JAK1: variants seen among roughly 807,000 people sequenced by gnomAD.
JAK1 encodes the protein Janus kinase 1.
In JAK1, 16 loss-of-function variants were observed where a neutral mutation model predicts 136.6. The observed-to-expected ratio is 0.12, with a 90% CI of 0.08 to 0.18. The LOEUF is 0.18. Ranked by LOEUF, JAK1 falls within the 10% of genes least tolerant of loss-of-function variation. JAK1 has a pLI of 1.00. For missense variants in JAK1, 859 were observed against 1,450.1 expected, an observed-to-expected ratio of 0.59 and a Z score of 6.62; for synonymous variants, 492 against 519.5, an observed-to-expected ratio of 0.95 and a Z score of 0.72.
In JAK1 at chr1:64,850,833, C is replaced by G. The variant is rs779408869; in HGVS notation, c.1726G>C (p.Asp576His). ...PVYPMSQLSF[D>H]RILKKDLVQG... ...ACCAGATCCTTCTTGAGGATCCGAT[C>G]GAAACTCAGCTGGCTCATGGGGTAG... The change falls in exon 12 of 25, where the codon GAT becomes CAT. Residue 576 changes from aspartate (D) to histidine (H), a missense_variant. By Grantham distance (81) the Asp-to-His change is moderately conservative. Transcript: ENST00000342505. 6.2e-7 allele frequency: 1 copy of G among 1,614,080 alleles called. No homozygotes were observed. The highest frequency in any genetic ancestry group is 1.1e-5 in the South Asian group (1 of 91,076).
chr1:65,012,909 C>A (rs142334587), intron 2 of JAK1, among the ~76,000 whole-genome samples: 1 of 151,208 alleles, frequency 6.6e-6, no homozygotes, highest in African/African-American at 2.4e-5. Flanking sequence ...CTGGCTAACA[C>A]GGTGAAACCC....
chr1:64,936,964 G>C (rs961774374), intron 1 of JAK1, among the ~76,000 whole-genome samples: 14 of 150,466 alleles, frequency 9.3e-5, no homozygotes, highest in Non-Finnish European at 1.9e-4. Flanking sequence ...AGAATACAAA[G>C]CAGTGCATTT....
At chr1:64,949,504 G>C (rs1646044761) in intron 1 of JAK1, among the ~76,000 whole-genome samples, 1 of 152,200 alleles carries the variant, frequency 6.6e-6, no homozygotes, top group Non-Finnish European at 1.5e-5. Context: ...ACATTCAAGT[G>C]CACATTGTGC....
chr1:64,869,290 T>C lies in JAK1; in HGVS notation c.647+21A>G, dbSNP rs545032216. ...CACCACCATCCTCACAATCAATTCT[T>C]CAGCCAGTGGGAAGCTTTACCTGAT... On this transcript the variant is annotated intron_variant, in intron 6 of 24. Coordinates refer to ENST00000342505, the MANE Select transcript of JAK1 (RefSeq NM_002227.4). The C allele has an allele frequency of 6.8e-6, 11 of 1,608,068 alleles. No individual in the cohort carries two copies. In the East Asian group the frequency reaches 1.8e-4, roughly 26 times the overall value.
chr1:65,041,850 C>T (rs1417577094), intron 2 of JAK1, among the ~76,000 whole-genome samples: 3 of 152,102 alleles, frequency 2.0e-5, no homozygotes, highest in African/African-American at 7.2e-5. Context: ...ACCAGCCTGG[C>T]CAACATGGTA....
At chr1:65,009,663 CAT>C (rs1448091969) in intron 2 of JAK1, among the ~76,000 whole-genome samples, 1 of 152,184 alleles carries the variant, frequency 6.6e-6, no homozygotes, top group Non-Finnish European at 1.5e-5. Context: ...GATCCAGACA[CAT>C]GTTTAGCCTT....
Position 64,844,055 on chromosome 1 carries a change from C to A in JAK1, c.2403+9G>T, listed in dbSNP as rs750337248. On this transcript the variant is annotated intron_variant, in intron 17 of 24. Coordinates refer to ENST00000342505, the MANE Select transcript of JAK1 (RefSeq NM_002227.4). This position sits in a 1 kb window ranked among gnomAD's most constrained non-coding sequence, Gnocchi z 5.7. ...CACTTGCCTCACGCCCCGGGAAACA[C>A]CTGCTCACCTCAATCAGCGTCTTGT... The A allele has an allele frequency of 6.2e-7, 1 of 1,613,780 alleles. No individual in the cohort carries two copies. The highest frequency in any genetic ancestry group is 1.1e-5 in the South Asian group (1 of 91,056).
chr1:65,016,343 C>T (rs147907673), intron 2 of JAK1, among the ~76,000 whole-genome samples: 3 of 152,134 alleles, frequency 2.0e-5, no homozygotes, highest in Non-Finnish European at 4.4e-5. Flanking sequence ...TTAAATGGGC[C>T]GAGCATGGTG....
intron 1 of JAK1, chr1:65,057,782 A>C (rs556125315): frequency 6.5e-6 from 1 of 155,012 alleles, no homozygotes; most frequent in South Asian, 2.0e-4. Flanking sequence ...TCCTTATTTG[A>C]TAGAAATAAA....
At chr1:64,866,277 C>G (rs1260456823) in intron 7 of JAK1, among the ~76,000 whole-genome samples, 1 of 152,208 alleles carries the variant, frequency 6.6e-6, no homozygotes, top group Non-Finnish European at 1.5e-5. Flanking sequence ...AGTCATGAAG[C>G]TAGGATCTGA....
intron 2 of JAK1, chr1:64,990,408 A>G (rs1484837355): frequency 5.3e-5 from 8 of 152,160 alleles, no homozygotes; most frequent in African/African-American, 1.9e-4. Context: ...AAAAATAGGA[A>G]AAGTTACTAG....
intron 1 of JAK1, chr1:65,066,511 C>A (rs531571048): frequency 6.6e-6 from 1 of 152,204 alleles, no homozygotes; most frequent in Admixed American, 6.5e-5. Flanking sequence ...CCGAGGCTTC[C>A]CCGCCCTCCC....
chr1:65,050,131 G>A (rs1280068333), intron 1 of JAK1, among the ~76,000 whole-genome samples: 1 of 152,150 alleles, frequency 6.6e-6, no homozygotes, highest in Non-Finnish European at 1.5e-5. Context: ...TAGCAAACAG[G>A]AAACATTCCA....
At chr1:65,018,462 C>G (rs1409913011) in intron 2 of JAK1, among the ~76,000 whole-genome samples, 2 of 146,288 alleles carry the variant, frequency 1.4e-5, no homozygotes, top group Admixed American at 6.8e-5. Context: ...CACATACATA[C>G]AGAGAGAGAG....
chr1:64,903,512 A>T (rs1169498728), intron 1 of JAK1, among the ~76,000 whole-genome samples: 1 of 152,182 alleles, frequency 6.6e-6, no homozygotes, highest in South Asian at 2.1e-4. Context: ...ACAATGAAAG[A>T]TACTAGTATT....
intron 3 of JAK1, among the ~76,000 whole-genome samples, chr1:64,882,637 ACTTTGGTTTCC>A (rs1215388781): frequency 2.0e-5 from 3 of 152,192 alleles, no homozygotes; most frequent in Admixed American, 2.0e-4. Context: ...GATGAAAGGG[ACTTTGGTTTCC>A]CACCTTCTGA....
At chr1:65,066,379 C>T (rs1234315679) in intron 1 of JAK1, among the ~76,000 whole-genome samples, 1 of 152,176 alleles carries the variant, frequency 6.6e-6, no homozygotes, top group Non-Finnish European at 1.5e-5. Context: ...ACTCTCATGC[C>T]TATATTAAAA....
chr1:64,935,078 C>T (rs898716622), intron 1 of JAK1, among the ~76,000 whole-genome samples: 2 of 152,194 alleles, frequency 1.3e-5, no homozygotes, highest in African/African-American at 4.8e-5. Flanking sequence ...AAGCTTCTCC[C>T]TTGATTCCAT....
intron 19 of JAK1, among the ~76,000 whole-genome samples, 164 bp from the exon 20 acceptor site, chr1:64,839,959 GC>G (rs1300303526): frequency 6.6e-6 from 1 of 152,236 alleles, no homozygotes; most frequent in Non-Finnish European, 1.5e-5. Context: ...GCTCACTACA[GC>G]CCCCTCGCTC....
Sources: gnomAD v4.1 joint callset for allele counts (sites outside exome capture counted in the v4.1 genomes callset) on GRCh38, gnomAD v4.1.1 for gene constraint, Gnocchi (gnomAD v3.1) non-coding constraint, MANE v1.5 for transcripts, NCBI Gene and HGNC (gene_info 2026-07-23, HGNC 2026-07-21) for gene names.